LRRC37A2: variants seen among roughly 807,000 people sequenced by gnomAD.
LRRC37A2 encodes leucine rich repeat containing 37 member A2.
In LRRC37A2, 9 loss-of-function variants were observed where a neutral mutation model predicts 68.8. The ratio of observed to expected loss-of-function variants is 0.13; its 90% CI spans 0.08 to 0.23. LRRC37A2 has a LOEUF of 0.23. Ranked by LOEUF, LRRC37A2 falls within the 10% of genes least tolerant of loss-of-function variation. The pLI is 1.00. For synonymous variants in LRRC37A2, 63 were observed against 367.6 expected, an observed-to-expected ratio of 0.17 and a Z score of 9.48; for missense variants, 168 against 950.4, an observed-to-expected ratio of 0.18 and a Z score of 10.82.
the LRRC37A2 span, among the ~76,000 whole-genome samples, chr17:46,950,924 C>T: frequency 6.6e-6 from 1 of 152,154 alleles, no homozygotes; most frequent in Non-Finnish European, 1.5e-5. Context: ...GATCTGGAGT[C>T]AGAGGGGGAA....
the LRRC37A2 span, chr17:46,978,315 ACGCGAGCGAC>A: frequency 2.8e-6 from 1 of 351,910 alleles, no homozygotes; most frequent in Non-Finnish European, 5.1e-6. Flanking sequence ...CAAAACTCCC[ACGCGAGCGAC>A]CGCAGTCCCA....
At chr17:46,860,270 C>T in the LRRC37A2 span, among the ~76,000 whole-genome samples, 2 of 152,086 alleles carry the variant, frequency 1.3e-5, no homozygotes, top group Non-Finnish European at 2.9e-5. Context: ...GGCAGACTCC[C>T]GGGCTGGAAT....
chr17:46,722,235 A>C, the LRRC37A2 span: 3 of 1,238,176 alleles, frequency 2.4e-6, no homozygotes, highest in Non-Finnish European at 3.6e-6. Flanking sequence ...GAGCACGTCA[A>C]AATCCCTACA....
chr17:46,872,793 G>C, the LRRC37A2 span: 2 of 1,360,760 alleles, frequency 1.5e-6, no homozygotes, highest in Non-Finnish European at 2.1e-6. Flanking sequence ...AGGGCTAGGG[G>C]ACGGGGAGGG....
At chr17:46,968,403 A>G in the LRRC37A2 span, among the ~76,000 whole-genome samples, 6 of 152,200 alleles carry the variant, frequency 3.9e-5, no homozygotes, top group Admixed American at 1.3e-4. Flanking sequence ...TGTGTGACTC[A>G]TTCCCACGCT....
the LRRC37A2 span, among the ~76,000 whole-genome samples, chr17:46,774,997 C>T: frequency 6.6e-6 from 1 of 152,122 alleles, no homozygotes; most frequent in Non-Finnish European, 1.5e-5. Context: ...CAGCATTGGC[C>T]TAAGTCAAGT....
chr17:46,876,359 A>T, the LRRC37A2 span: 1 of 1,614,060 alleles, frequency 6.2e-7, no homozygotes, highest in Non-Finnish European at 8.5e-7. Context: ...CCAGGTGCTG[A>T]AACTGCGCTA....
the LRRC37A2 span, among the ~76,000 whole-genome samples, chr17:46,749,250 G>A: frequency 6.6e-6 from 1 of 152,088 alleles, no homozygotes; most frequent in Non-Finnish European, 1.5e-5. Context: ...ATATTTTGGG[G>A]TTAAAAGTAA....
chr17:46,875,349 A>T, the LRRC37A2 span: 1 of 1,606,084 alleles, frequency 6.2e-7, no homozygotes, highest in Non-Finnish European at 8.5e-7. Flanking sequence ...CGCCCACAAT[A>T]CCCACGTGGG....
the LRRC37A2 span, among the ~76,000 whole-genome samples, chr17:46,795,295 C>T: frequency 6.6e-6 from 1 of 152,212 alleles, no homozygotes; most frequent in South Asian, 2.1e-4. Context: ...GTCTCACTCC[C>T]CTGGTGTGGC....
the LRRC37A2 span, among the ~76,000 whole-genome samples, chr17:46,810,733 C>A: frequency 2.0e-5 from 3 of 151,978 alleles, no homozygotes; most frequent in Non-Finnish European, 4.4e-5. Context: ...AGCTGGGTGA[C>A]CTGAACGCGG....
chr17:46,973,639 G>T, the LRRC37A2 span, among the ~76,000 whole-genome samples: 1 of 152,136 alleles, frequency 6.6e-6, no homozygotes, highest in Non-Finnish European at 1.5e-5. Flanking sequence ...CATCTCAGAG[G>T]CTGGGACACC....
chr17:46,772,192 G>T, the LRRC37A2 span, among the ~76,000 whole-genome samples: 1 of 152,210 alleles, frequency 6.6e-6, no homozygotes, highest in African/African-American at 2.4e-5. Flanking sequence ...CGCTCGCGGC[G>T]TCTTCCGGGA....
At chr17:46,776,049 C>T in the LRRC37A2 span, among the ~76,000 whole-genome samples, 6 of 152,272 alleles carry the variant, frequency 3.9e-5, no homozygotes, top group Non-Finnish European at 7.4e-5. Flanking sequence ...CATTATTAGC[C>T]CCATTTTACA....
At chr17:46,863,148 C>T in the LRRC37A2 span, among the ~76,000 whole-genome samples, 1 of 152,252 alleles carries the variant, frequency 6.6e-6, no homozygotes, top group African/African-American at 2.4e-5. Context: ...TCCAGAGCCA[C>T]GCCCTCCCAA....
the LRRC37A2 span, chr17:46,998,930 T>C: frequency 1.3e-5 from 2 of 152,274 alleles, no homozygotes; most frequent in South Asian, 4.1e-4. Flanking sequence ...GGAAGAATCA[T>C]CCTTAGCACA....
chr17:46,851,613 C>T, the LRRC37A2 span: 1 of 1,237,158 alleles, frequency 8.1e-7, no homozygotes, highest in Non-Finnish European at 1.0e-6. The surrounding 1 kb of genome is among the most constrained non-coding windows in gnomAD (Gnocchi z 4.3). Flanking sequence ...CGAGGAGATG[C>T]TAGAGGGCGC....
the LRRC37A2 span, among the ~76,000 whole-genome samples, chr17:46,907,614 A>T: frequency 2.2e-5 from 3 of 136,626 alleles, no homozygotes; most frequent in African/African-American, 5.5e-5. Flanking sequence ...AGGCAGGAGG[A>T]TCGGTTGAAT....
At chr17:46,814,820 G>C in the LRRC37A2 span, among the ~76,000 whole-genome samples, 1 of 152,344 alleles carries the variant, frequency 6.6e-6, no homozygotes, top group East Asian at 1.9e-4. Flanking sequence ...AGGTGGGAGT[G>C]GGTGGGAGAG....
Sources: gnomAD v4.1 joint callset for allele counts (sites outside exome capture counted in the v4.1 genomes callset) on GRCh38, gnomAD v4.1.1 for gene constraint, Gnocchi (gnomAD v3.1) non-coding constraint, MANE v1.5 for transcripts, NCBI Gene and HGNC (gene_info 2026-07-23, HGNC 2026-07-21) for gene names.